RELN: variants seen among roughly 807,000 people sequenced by gnomAD.
RELN encodes reelin.
RELN carries 108 observed loss-of-function variants against 427.6 expected under a neutral mutation model. That is an observed-to-expected ratio of 0.25 (90% CI 0.22 to 0.30). RELN has a LOEUF of 0.30. RELN is among the 10% of genes least tolerant of loss of function. The probability of loss-of-function intolerance (pLI) is 1.00; values close to 1 mark genes in which losing one functional copy is unlikely to be tolerated. For missense variants in RELN, 3,715 were observed against 4,302.8 expected (o/e 0.86, Z 3.82); for synonymous variants, 1,524 against 1,513.4 (o/e 1.01, Z -0.16).
chr7:103,942,259 T>TAACTGG (rs1264145413), intron 1 of RELN, among the ~76,000 whole-genome samples: 2 of 152,214 alleles, frequency 1.3e-5, no homozygotes, highest in Non-Finnish European at 2.9e-5. Flanking sequence ...TTATCCCGTC[T>TAACTGG]AACTGGAACT....
At chr7:103,736,761 C>T (rs1338067267) in intron 6 of RELN, among the ~76,000 whole-genome samples, 1 of 152,174 alleles carries the variant, frequency 6.6e-6, no homozygotes, top group Non-Finnish European at 1.5e-5. Context: ...TTTGAGTGAG[C>T]TCTTGTTTTT....
rs144574124 is a variant in RELN at position 103,695,259 on chromosome 7, A to G, written c.1143+2594T>C. On this transcript the variant is annotated intron_variant, in intron 10 of 64. Coordinates refer to ENST00000428762, the MANE Select transcript of RELN (RefSeq NM_005045.4). ...GGAACCAAAAAACAAAAGGGCAGTC[A>G]TGTAAATGAACTAAAATGACAAATT... 4.2e-3 allele frequency among the ~76,000 whole-genome samples: 644 copies of G among 152,326 alleles called. 8 individuals carry two copies. The highest frequency in any genetic ancestry group is 0.013 in the African/African-American group (546 of 41,588).
At chr7:103,679,201 A>C (rs1001556459) in intron 11 of RELN, among the ~76,000 whole-genome samples, 1 of 152,202 alleles carries the variant, frequency 6.6e-6, no homozygotes. Flanking sequence ...GGATTAAACT[A>C]TCATTTTTAT....
intron 40 of RELN, 79 bp from the exon 41 acceptor site, chr7:103,551,375 TA>T: frequency 9.9e-7 from 1 of 1,006,818 alleles, no homozygotes; most frequent in South Asian, 1.4e-5. Flanking sequence ...CATTATTTTC[TA>T]GGGTCCATTT....
chr7:103,790,665 C>T (rs1466948264), intron 3 of RELN, among the ~76,000 whole-genome samples: 2 of 151,920 alleles, frequency 1.3e-5, no homozygotes, highest in Non-Finnish European at 2.9e-5. Context: ...GGATTGGTGT[C>T]CTTTAAAGAA....
At chr7:103,577,615 T>C (rs1250443393) in intron 28 of RELN, among the ~76,000 whole-genome samples, 3 of 151,690 alleles carry the variant, frequency 2.0e-5, no homozygotes, top group Admixed American at 1.3e-4. Flanking sequence ...GGAAAATTCC[T>C]TCCCTTGGAG....
intron 42 of RELN, 45 bp downstream of exon 42, chr7:103,545,079 T>G (rs1830257807): frequency 6.8e-7 from 1 of 1,470,206 alleles, no homozygotes; most frequent in Non-Finnish European, 9.5e-7. Flanking sequence ...GTTTAACATA[T>G]AAGTTCTTTC....
chr7:103,916,096 G>A (rs896092027), intron 2 of RELN, among the ~76,000 whole-genome samples: 15 of 152,130 alleles, frequency 9.9e-5, no homozygotes, highest in South Asian at 4.1e-4. Flanking sequence ...GTTTCCTTAA[G>A]CTGTGGGCTG....
At position 103,636,286 on chromosome 7, in the gene RELN, T is replaced by G. The variant is rs116504075; in HGVS notation, c.2252A>C (p.Lys751Thr). ...TGTAATTAGCTGACGCCGCCCATCT[T>G]TGTTGAAAACCAGGGCCTTACCACT... The part of the protein sequence containing the change: ...LASGKALVFN[K>T]DGRRQLITSF... Residue 751 changes from lysine (K) to threonine (T), a missense_variant, in exon 18 of 65, where the codon AAA (lysine) becomes ACA (threonine). Physicochemically the swap from Lys to Thr is moderately conservative, Grantham distance 78 (BLOSUM62 -1). Coordinates refer to ENST00000428762, the MANE Select transcript of RELN (RefSeq NM_005045.4). 65 of 1,614,076 alleles carry G rather than the reference T, an allele frequency of 4.0e-5. No homozygotes were observed. The East Asian group carries it at 1.3e-3, about 33-fold the overall frequency.
intron 3 of RELN, among the ~76,000 whole-genome samples, chr7:103,779,187 G>A (rs1423042705): frequency 2.6e-5 from 4 of 152,134 alleles, no homozygotes; most frequent in Admixed American, 2.6e-4. Flanking sequence ...AAGAGAAGGA[G>A]GGGCAACAGC....
chr7:103,898,474 ATAACT>A (rs1244982413), intron 2 of RELN, among the ~76,000 whole-genome samples: 1 of 152,040 alleles, frequency 6.6e-6, no homozygotes, highest in East Asian at 1.9e-4. Flanking sequence ...CAAAAGCAAA[ATAACT>A]TACATTAACA....
At chr7:103,735,450 T>C (rs1790467687) in intron 6 of RELN, among the ~76,000 whole-genome samples, 1 of 152,170 alleles carries the variant, frequency 6.6e-6, no homozygotes, top group Non-Finnish European at 1.5e-5. Flanking sequence ...AATGTCCCTG[T>C]AGTCTGGGGT....
At chr7:103,587,571 C>A (rs1407077535) in intron 28 of RELN, among the ~76,000 whole-genome samples, 1 of 152,056 alleles carries the variant, frequency 6.6e-6, no homozygotes, top group Non-Finnish European at 1.5e-5. Flanking sequence ...AAATAAATAA[C>A]CTACAGAGTA....
intron 43 of RELN, 106 bp downstream of exon 43, chr7:103,542,625 T>C (rs1199485154): frequency 8.6e-7 from 1 of 1,163,980 alleles, no homozygotes; most frequent in African/African-American, 1.5e-5. Context: ...GTATTTACAA[T>C]GGAAGGCCTT....
At chr7:103,706,710 C>A (rs1834209102) in intron 8 of RELN, among the ~76,000 whole-genome samples, 1 of 151,724 alleles carries the variant, frequency 6.6e-6, no homozygotes, top group African/African-American at 2.4e-5. Context: ...CTATGTGCTG[C>A]TGCTTCTACT....
At chr7:103,659,286 A>C (rs1163308562) in intron 12 of RELN, among the ~76,000 whole-genome samples, 1 of 152,020 alleles carries the variant, frequency 6.6e-6, no homozygotes, top group Non-Finnish European at 1.5e-5. Context: ...CTCCTGCTAG[A>C]ATTACTTTTC....
chr7:103,732,745 C>T (rs78829533), intron 6 of RELN, among the ~76,000 whole-genome samples: 7,110 of 152,170 alleles, frequency 0.047, 366 homozygotes, highest in East Asian at 0.13. Context: ...TCCTACCCTC[C>T]TCACTTTCTC....
chr7:103,570,677 C>T (rs960831569), intron 31 of RELN, among the ~76,000 whole-genome samples: 1 of 152,230 alleles, frequency 6.6e-6, no homozygotes, highest in African/African-American at 2.4e-5. Context: ...CTTCACCACA[C>T]TTTCTCTTTC....
At chr7:103,927,445 G>A (rs980499931) in intron 1 of RELN, among the ~76,000 whole-genome samples, 2 of 152,166 alleles carry the variant, frequency 1.3e-5, no homozygotes, top group African/African-American at 4.8e-5. Flanking sequence ...TACTAGCACA[G>A]ATAGTTGCTC....
Sources: gnomAD v4.1 joint callset for allele counts (sites outside exome capture counted in the v4.1 genomes callset) on GRCh38, gnomAD v4.1.1 for gene constraint, MANE v1.5 for transcripts, NCBI Gene and HGNC (gene_info 2026-07-23, HGNC 2026-07-21) for gene names.